Variants in TSG101 observed in about 807,000 individuals in gnomAD.
TSG101 encodes tumor susceptibility 101.
In TSG101, 19 loss-of-function variants were observed where a neutral mutation model predicts 48.5. That is an observed-to-expected ratio of 0.39 (90% CI 0.27 to 0.58). The LOEUF (loss-of-function observed/expected upper bound fraction) is 0.58. Among genes scored for constraint, TSG101 ranks in the 20% least tolerant of loss-of-function variants. The pLI is 0.55. For synonymous variants in TSG101, 174 were observed against 169.4 expected (o/e 1.03, Z -0.21); for missense variants, 365 against 484.4 (o/e 0.75, Z 2.31).
At chr11:18,502,649 C>A in intron 6 of TSG101, 72 bp from the exon 7 acceptor site, 1 of 1,218,918 alleles carries the variant, frequency 8.2e-7, no homozygotes, top group Non-Finnish European at 1.2e-6. Context: ...GAACCCCATT[C>A]AGGAAGTTAA....
At chr11:18,491,441 T>C (rs1849700251) in intron 7 of TSG101, among the ~76,000 whole-genome samples, 1 of 152,186 alleles carries the variant, frequency 6.6e-6, no homozygotes, top group Non-Finnish European at 1.5e-5. Flanking sequence ...GTGAGCTACC[T>C]TGGTGGGTAA....
chr11:18,484,842 C>T (rs1849594248), intron 7 of TSG101, among the ~76,000 whole-genome samples: 1 of 151,722 alleles, frequency 6.6e-6, no homozygotes, highest in Non-Finnish European at 1.5e-5. Flanking sequence ...TGTCCCAAAT[C>T]AGCAAATGTG....
intron 7 of TSG101, 94 bp from the exon 8 acceptor site, chr11:18,484,166 G>A (rs751924467): frequency 1.4e-5 from 17 of 1,248,730 alleles, no homozygotes; most frequent in South Asian, 2.6e-5. Flanking sequence ...AATATGAACC[G>A]ACACTTTCAA....
intron 1 of TSG101, among the ~76,000 whole-genome samples, chr11:18,522,790 A>G (rs1850301072): frequency 6.6e-6 from 1 of 151,750 alleles, no homozygotes; most frequent in South Asian, 2.1e-4. Context: ...TAGCCACCAT[A>G]CCCTCCTTTG....
At chr11:18,490,410 T>G in intron 7 of TSG101, 1 of 589,520 alleles carries the variant, frequency 1.7e-6, no homozygotes, top group South Asian at 1.4e-5. Context: ...GCAGGCCTTT[T>G]CAGTAGAGTT....
chr11:18,495,117 T>C (rs1214843960), intron 7 of TSG101, among the ~76,000 whole-genome samples: 1 of 152,208 alleles, frequency 6.6e-6, no homozygotes, highest in Non-Finnish European at 1.5e-5. Context: ...CCAAACTTAC[T>C]GTTTCTGATC....
chr11:18,515,817 T>C (rs1183711822), intron 3 of TSG101, among the ~76,000 whole-genome samples: 2 of 152,224 alleles, frequency 1.3e-5, no homozygotes, highest in South Asian at 4.1e-4. Flanking sequence ...AGGAGGCAAG[T>C]AAGATCCATT....
intron 9 of TSG101, 49 bp downstream of exon 9, chr11:18,481,581 C>T: frequency 6.3e-7 from 1 of 1,583,552 alleles, no homozygotes; most frequent in Non-Finnish European, 8.6e-7. Context: ...AAGGTCAGTG[C>T]CTCTACAACC....
chr11:18,502,635 T>A (rs1489851352), intron 6 of TSG101, 58 bp from the exon 7 acceptor site: 8 of 1,338,746 alleles, frequency 6.0e-6, no homozygotes, highest in South Asian at 5.2e-5. Flanking sequence ...TATAGTATTT[T>A]GAAGAACCCC....
At chr11:18,519,626 A>G (rs1287816509) in intron 1 of TSG101, 23 bp from the exon 2 acceptor site, 1 of 1,558,448 alleles carries the variant, frequency 6.4e-7, no homozygotes, top group South Asian at 1.2e-5. Flanking sequence ...ATCGCATAAG[A>G]ATTTAGTTTA....
intron 7 of TSG101, chr11:18,490,639 G>A (rs1849685221): frequency 2.2e-6 from 1 of 455,018 alleles, no homozygotes; most frequent in African/African-American, 2.0e-5. Flanking sequence ...GTATAGAATT[G>A]AGAACAAGAT....
intron 6 of TSG101, among the ~76,000 whole-genome samples, chr11:18,506,068 G>A (rs755111364): frequency 1.8e-4 from 27 of 152,024 alleles, no homozygotes; most frequent in African/African-American, 5.6e-4. Context: ...CAGGTGATCC[G>A]CCTGCATCGG....
At chr11:18,525,098 G>A (rs893263904) in intron 1 of TSG101, among the ~76,000 whole-genome samples, 6 of 151,846 alleles carry the variant, frequency 4.0e-5, no homozygotes, top group African/African-American at 9.7e-5. Flanking sequence ...TTTAGGAGAC[G>A]GGGTTTCACC....
chr11:18,514,957 C>T lies in TSG101; in HGVS notation c.194-116G>A, dbSNP rs955359716. 5 of 928,218 alleles carry T rather than the reference C, an allele frequency of 5.4e-6. No individual in the cohort carries two copies. The East Asian group carries it at 9.5e-5, about 18-fold the overall frequency. The allele number at this position is 928,218 out of a possible 1,614,324, so 57.5% of individuals were successfully genotyped here. On this transcript the variant is annotated intron_variant, in intron 3 of 9. Transcript: ENST00000251968. ...ATTTATACATATATCCGCATCCCCC[C>T]CATTCCTATTTCCCCCAGCAGAATT... is the stretch of plus-strand genomic sequence containing the variant.
chr11:18,505,384 T>C (rs1024142452), intron 6 of TSG101, among the ~76,000 whole-genome samples: 1 of 152,006 alleles, frequency 6.6e-6, no homozygotes, highest in Non-Finnish European at 1.5e-5. Context: ...CCCTCCCAAG[T>C]AGCTGGGACT....
At chr11:18,509,479 T>A (rs1850040210) in intron 5 of TSG101, 63 bp downstream of exon 5, 22 of 1,531,122 alleles carry the variant, frequency 1.4e-5, no homozygotes, top group Non-Finnish European at 1.6e-5. Flanking sequence ...TTTATTTTTT[T>A]ACAAAGGTTT....
intron 7 of TSG101, chr11:18,490,959 TC>T: frequency 3.4e-6 from 1 of 295,174 alleles, no homozygotes. Flanking sequence ...ATCCAGTCGT[TC>T]CCGTGGGAGG....
At chr11:18,515,052 CT>C (rs1416319778) in intron 3 of TSG101, among the ~76,000 whole-genome samples, 1 of 152,072 alleles carries the variant, frequency 6.6e-6, no homozygotes, top group African/African-American at 2.4e-5. Context: ...CTTATACTTG[CT>C]TTATACAATG....
At chr11:18,484,136 G>A in intron 7 of TSG101, 64 bp from the exon 8 acceptor site, 5 of 1,554,106 alleles carry the variant, frequency 3.2e-6, no homozygotes, top group Non-Finnish European at 4.4e-6. Flanking sequence ...TGTCTCACAG[G>A]AACCTTCAGA....
Sources: gnomAD v4.1 joint callset for allele counts (sites outside exome capture counted in the v4.1 genomes callset) on GRCh38, gnomAD v4.1.1 for gene constraint, MANE v1.5 for transcripts, NCBI Gene and HGNC (gene_info 2026-07-23, HGNC 2026-07-21) for gene names.